Variants in ROBO2 observed in about 807,000 individuals in gnomAD.
The protein encoded by ROBO2 is roundabout homolog 2.
Under a neutral mutation model 160.8 loss-of-function variants are expected in ROBO2, and 53 were observed. That is an observed-to-expected ratio of 0.33 (90% CI 0.26 to 0.41). ROBO2 has a LOEUF of 0.41. Ranked by LOEUF, ROBO2 falls within the 10% of genes least tolerant of loss-of-function variation. ROBO2 has a pLI of 1.00. For missense variants in ROBO2, 1,577 were observed against 1,722.4 expected, an observed-to-expected ratio of 0.92 and a Z score of 1.49; for synonymous variants, 664 against 611.7, an observed-to-expected ratio of 1.09 and a Z score of -1.26.
intron 2 of ROBO2, among the ~76,000 whole-genome samples, chr3:76,671,834 A>G (rs934800394): frequency 1.3e-5 from 2 of 152,112 alleles, no homozygotes; most frequent in Non-Finnish European, 1.5e-5. Flanking sequence ...GCTATAATTT[A>G]AATAGTATAG....
intron 2 of ROBO2, among the ~76,000 whole-genome samples, chr3:76,952,561 C>T (rs923719173): frequency 3.3e-5 from 5 of 152,078 alleles, no homozygotes; most frequent in African/African-American, 4.8e-5. Context: ...GGATTACAGG[C>T]GTGAGCCACT....
intron 2 of ROBO2, among the ~76,000 whole-genome samples, chr3:76,038,554 G>C (rs2067185833): frequency 6.6e-6 from 1 of 151,898 alleles, no homozygotes; most frequent in African/African-American, 2.4e-5. Context: ...ACTAGAACTT[G>C]GCCTTTATAC....
At chr3:76,349,159 A>G (rs1407151738) in intron 2 of ROBO2, among the ~76,000 whole-genome samples, 3 of 152,276 alleles carry the variant, frequency 2.0e-5, no homozygotes, top group South Asian at 2.1e-4. Flanking sequence ...AAGAAAGCCT[A>G]TGTAACATAT....
chr3:75,938,013 T>C (rs910950018), intron 2 of ROBO2, among the ~76,000 whole-genome samples: 2 of 151,654 alleles, frequency 1.3e-5, no homozygotes, highest in Non-Finnish European at 2.9e-5. Flanking sequence ...TGGATGTTTG[T>C]TTATTTTCTT....
intron 2 of ROBO2, among the ~76,000 whole-genome samples, chr3:76,218,415 C>T (rs900403913): frequency 4.6e-5 from 7 of 152,142 alleles, no homozygotes; most frequent in Non-Finnish European, 8.8e-5. Context: ...TAGAAAACCC[C>T]ATTGTCTCAG....
At chr3:76,421,598 T>C (rs536890145) in intron 2 of ROBO2, among the ~76,000 whole-genome samples, 1 of 151,898 alleles carries the variant, frequency 6.6e-6, no homozygotes, top group Non-Finnish European at 1.5e-5. Flanking sequence ...TGGTGGTGCA[T>C]GCCTGTAATC....
chr3:76,424,048 A>G lies in ROBO2; in HGVS notation c.109+486446A>G, dbSNP rs369517536. On this transcript the variant is annotated intron_variant, in intron 2 of 26. Coordinates refer to the ROBO2 transcript ENST00000487694. ...TTCACATGGTTGTGATCTTGGATGA[A>G]AAAAGATTACATTTCTATTTTCACT... is the stretch of plus-strand genomic sequence containing the variant. Among the ~76,000 whole-genome samples, 471 of 152,292 alleles carry G rather than the reference A, an allele frequency of 3.1e-3. 7 individuals are homozygous for G. The highest frequency in any genetic ancestry group is 0.029 in the South Asian group (138 of 4,824).
intron 2 of ROBO2, among the ~76,000 whole-genome samples, chr3:76,217,074 G>A (rs1213151251): frequency 1.3e-5 from 2 of 152,128 alleles, no homozygotes; most frequent in Admixed American, 6.5e-5. Context: ...GGTACATAAC[G>A]AAATGAAGGC....
chr3:77,178,787 T>G (rs1054599737), intron 2 of ROBO2, among the ~76,000 whole-genome samples: 1 of 152,124 alleles, frequency 6.6e-6, no homozygotes, highest in Admixed American at 6.6e-5. Context: ...TTATTTTTAG[T>G]GCTTTACAGA....
At chr3:75,928,196 G>A (rs1212957613) in intron 1 of ROBO2, among the ~76,000 whole-genome samples, 1 of 151,382 alleles carries the variant, frequency 6.6e-6, no homozygotes, top group Non-Finnish European at 1.5e-5. Context: ...GTGTTAGCCA[G>A]GATGGTCTCT....
chr3:76,060,670 T>C (rs2068043643), intron 2 of ROBO2, among the ~76,000 whole-genome samples: 1 of 152,200 alleles, frequency 6.6e-6, no homozygotes, highest in Non-Finnish European at 1.5e-5. Context: ...TTTACAACTG[T>C]AAATAACTAG....
chr3:76,383,886 G>A (rs555221810), intron 2 of ROBO2, among the ~76,000 whole-genome samples: 41 of 152,280 alleles, frequency 2.7e-4, no homozygotes, highest in Admixed American at 1.6e-3. Flanking sequence ...TTTTCTATGC[G>A]TCAGGGAAAT....
chr3:76,387,914 T>A (rs1172530484), intron 2 of ROBO2, among the ~76,000 whole-genome samples: 1 of 152,198 alleles, frequency 6.6e-6, no homozygotes, highest in Admixed American at 6.5e-5. Context: ...AGAGGGCAGT[T>A]ATATGAAAAA....
intron 23 of ROBO2, among the ~76,000 whole-genome samples, chr3:77,624,614 A>G (rs1253523487): frequency 1.3e-5 from 2 of 152,232 alleles, no homozygotes; most frequent in Non-Finnish European, 2.9e-5. Flanking sequence ...GAGGTGGACA[A>G]TAAAACAGGC....
chr3:76,105,364 C>G (rs934430716), intron 2 of ROBO2, among the ~76,000 whole-genome samples: 1 of 152,052 alleles, frequency 6.6e-6, no homozygotes, highest in African/African-American at 2.4e-5. Flanking sequence ...TTCTTGTATA[C>G]CTAATATCCA....
At chr3:77,502,534 A>T (rs2153608461) in intron 5 of ROBO2, among the ~76,000 whole-genome samples, 1 of 152,294 alleles carries the variant, frequency 6.6e-6, no homozygotes, top group African/African-American at 2.4e-5. Flanking sequence ...AAGAAAAAAT[A>T]ATTTCACTGG....
rs146705680 is a variant in ROBO2 at position 76,799,613 on chromosome 3, T to C, written c.110-298401T>C. ...TCTGAAAAAGAAATCAAGAAAGTAA[T>C]CCCATTTACAATAGCTACAAAGAAA... is the stretch of plus-strand genomic sequence containing the variant. On this transcript the variant is annotated intron_variant, in intron 2 of 26. Coordinates refer to the ROBO2 transcript ENST00000487694. 1.4e-3 allele frequency among the ~76,000 whole-genome samples: 214 copies of C among 150,830 alleles called. 1 individual carries two copies. Among genetic ancestry groups the C allele is most frequent in the African/African-American group, 5.1e-3 (209 of 41,170 alleles).
At chr3:77,641,498 A>T (rs952469283) in intron 24 of ROBO2, among the ~76,000 whole-genome samples, 1 of 152,244 alleles carries the variant, frequency 6.6e-6, no homozygotes, top group Non-Finnish European at 1.5e-5. Flanking sequence ...CACAAACAGA[A>T]TATTATTAGA....
At chr3:76,041,165 C>T (rs1276183586) in intron 2 of ROBO2, among the ~76,000 whole-genome samples, 2 of 151,942 alleles carry the variant, frequency 1.3e-5, no homozygotes, top group Non-Finnish European at 2.9e-5. Context: ...GAGATGTGTA[C>T]ACATTATGAA....
Sources: gnomAD v4.1 joint callset for allele counts (sites outside exome capture counted in the v4.1 genomes callset) on GRCh38, gnomAD v4.1.1 for gene constraint, MANE v1.5 for transcripts, NCBI Gene and HGNC (gene_info 2026-07-23, HGNC 2026-07-21) for gene names.